Variants in GTF2H1 observed in about 807,000 individuals in gnomAD.
GTF2H1 encodes general transcription factor IIH subunit 1.
GTF2H1 carries 16 observed loss-of-function variants against 71.2 expected under a neutral mutation model. The observed-to-expected ratio is 0.22, with a 90% CI of 0.15 to 0.34. GTF2H1 has a LOEUF of 0.34. GTF2H1 is among the 10% of genes least tolerant of loss of function. GTF2H1 has a pLI of 1.00. For missense variants in GTF2H1, 498 were observed against 648.2 expected, an observed-to-expected ratio of 0.77 and a Z score of 2.52; for synonymous variants, 215 against 219.0, an observed-to-expected ratio of 0.98 and a Z score of 0.16.
intron 13 of GTF2H1, among the ~76,000 whole-genome samples, chr11:18,359,268 G>A (rs759879591): frequency 9.2e-5 from 14 of 152,146 alleles, no homozygotes; most frequent in African/African-American, 1.4e-4. Context: ...GGCCAAGCAC[G>A]GTGGCTCACA....
At chr11:18,330,868 T>C (rs1648215380) in intron 1 of GTF2H1, among the ~76,000 whole-genome samples, 1 of 152,208 alleles carries the variant, frequency 6.6e-6, no homozygotes, top group Non-Finnish European at 1.5e-5. Context: ...CACATTGACC[T>C]ATTTCCTTTC....
chr11:18,334,060 G>T (rs557665356), intron 2 of GTF2H1, among the ~76,000 whole-genome samples: 2 of 152,274 alleles, frequency 1.3e-5, no homozygotes, highest in Admixed American at 1.3e-4. Flanking sequence ...TGCTCAACAT[G>T]GTGGAACCCC....
chr11:18,336,794 G>T (rs906799432), intron 3 of GTF2H1, among the ~76,000 whole-genome samples: 1 of 146,630 alleles, frequency 6.8e-6, no homozygotes, highest in Non-Finnish European at 1.5e-5. Context: ...TTGCTCTGTT[G>T]CCCAGGCTGG....
intron 11 of GTF2H1, among the ~76,000 whole-genome samples, chr11:18,356,193 C>T (rs368145593): frequency 1.7e-4 from 26 of 152,182 alleles, no homozygotes; most frequent in African/African-American, 4.1e-4. Flanking sequence ...CCCTGGCCAA[C>T]ATGGCAAAAC....
chr11:18,356,110 A>G (rs752344560), intron 11 of GTF2H1, among the ~76,000 whole-genome samples: 28 of 152,138 alleles, frequency 1.8e-4, no homozygotes, highest in Non-Finnish European at 4.4e-5. Context: ...GGGACCGGGC[A>G]CAGTGACTCA....
intron 11 of GTF2H1, among the ~76,000 whole-genome samples, chr11:18,357,488 A>C (rs554553385): frequency 3.3e-5 from 5 of 152,194 alleles, no homozygotes; most frequent in African/African-American, 1.2e-4. Flanking sequence ...AGGCTGAGGG[A>C]GGAGGATTGC....
chr11:18,360,253 G>A (rs1328096413), intron 13 of GTF2H1, among the ~76,000 whole-genome samples: 1 of 152,108 alleles, frequency 6.6e-6, no homozygotes, highest in Non-Finnish European at 1.5e-5. Flanking sequence ...CTCCTGAGTA[G>A]CTGGGACTAC....
chr11:18,342,234 TTTC>T (rs1865172826), intron 7 of GTF2H1, among the ~76,000 whole-genome samples: 2 of 150,476 alleles, frequency 1.3e-5, no homozygotes, highest in Non-Finnish European at 2.9e-5. Context: ...TGCTCTTATT[TTTC>T]TTCTTTTTCT....
chr11:18,360,401 G>A (rs1214420839), intron 13 of GTF2H1, among the ~76,000 whole-genome samples: 4 of 152,206 alleles, frequency 2.6e-5, no homozygotes, highest in South Asian at 2.1e-4. Context: ...GATTACAGGC[G>A]TGAGCCACCA....
chr11:18,326,771 A>C (rs1864777942), intron 1 of GTF2H1, among the ~76,000 whole-genome samples: 1 of 152,138 alleles, frequency 6.6e-6, no homozygotes, highest in Non-Finnish European at 1.5e-5. Context: ...ATCCTACTTA[A>C]GTAGGATAAT....
At chr11:18,342,995 C>T (rs1274634736) in intron 7 of GTF2H1, among the ~76,000 whole-genome samples, 1 of 152,180 alleles carries the variant, frequency 6.6e-6, no homozygotes, top group Non-Finnish European at 1.5e-5. Flanking sequence ...GAGCTCGGCT[C>T]ACTGCAACCT....
chr11:18,358,109 T>A, intron 12 of GTF2H1, 67 bp downstream of exon 12: 2 of 1,025,816 alleles, frequency 1.9e-6, no homozygotes, highest in Non-Finnish European at 3.0e-6. Flanking sequence ...CTGGGAGGAG[T>A]GCTGAACTTT....
chr11:18,348,038 C>T (rs767250996), intron 9 of GTF2H1, 119 bp downstream of exon 9: 15 of 773,132 alleles, frequency 1.9e-5, no homozygotes, highest in African/African-American at 5.1e-5. Context: ...AGATGTTAAG[C>T]ATTTGGCTTA....
At chr11:18,327,005 T>A (rs1190812938) in intron 1 of GTF2H1, among the ~76,000 whole-genome samples, 2 of 150,976 alleles carry the variant, frequency 1.3e-5, no homozygotes, top group African/African-American at 4.9e-5. Flanking sequence ...AAAAAAAAAA[T>A]AGAAAAATTA....
chr11:18,328,775 G>A (rs1443071790), intron 1 of GTF2H1, among the ~76,000 whole-genome samples: 3 of 144,776 alleles, frequency 2.1e-5, no homozygotes, highest in Non-Finnish European at 4.5e-5. Context: ...GCAGTGAGCC[G>A]AGATCGCGCC....
intron 9 of GTF2H1, among the ~76,000 whole-genome samples, chr11:18,350,279 G>A (rs1301191899): frequency 6.6e-6 from 1 of 152,166 alleles, no homozygotes; most frequent in Non-Finnish European, 1.5e-5. Flanking sequence ...CAAGGCCTTG[G>A]CATAAGTTTA....
chr11:18,338,219 A>G lies in GTF2H1; in HGVS notation c.458A>G (p.Asp153Gly). Residue 153 changes from aspartate to glycine, a missense_variant, in exon 4 of 15, where the codon GAT (aspartate) becomes GGT (glycine). Transcript: ENST00000265963. ...AATCGTTTAAATGTGAATGCAACAG[A>G]TAGTTCTTCCACATCCAATCATAAG... The part of the protein sequence containing the change: ...WANRLNVNAT[D>G]SSSTSNHKQD... 6.2e-7 allele frequency: 1 copy of G among 1,609,188 alleles called. No individual in the cohort carries two copies. Among genetic ancestry groups the G allele is most frequent in the Non-Finnish European group, 8.5e-7 (1 of 1,175,456 alleles).
chr11:18,344,335 A>G (rs946519521), intron 7 of GTF2H1, among the ~76,000 whole-genome samples: 2 of 152,078 alleles, frequency 1.3e-5, no homozygotes, highest in African/African-American at 2.4e-5. Flanking sequence ...TAATTATAAT[A>G]TAGGCCGGGC....
At chr11:18,351,615 T>C (rs1324845001) in intron 9 of GTF2H1, 4 of 233,688 alleles carry the variant, frequency 1.7e-5, no homozygotes, top group Non-Finnish European at 3.4e-5. Flanking sequence ...GAAAAAATAA[T>C]AAAATGTAAA....
Sources: allele counts gnomAD v4.1 joint callset (sites outside exome capture counted in the v4.1 genomes callset), GRCh38; gene constraint gnomAD v4.1.1; transcripts MANE v1.5; gene names NCBI Gene and HGNC (gene_info 2026-07-23, HGNC 2026-07-21).